The following SH3D19 variants were observed in gnomAD, a reference collection of about 807,000 sequenced individuals.
SH3D19 encodes the protein SH3 domain containing 19.
Under a neutral mutation model 112.1 loss-of-function variants are expected in SH3D19, and 58 were observed. The ratio of observed to expected loss-of-function variants is 0.52; its 90% CI spans 0.42 to 0.64. The LOEUF (loss-of-function observed/expected upper bound fraction) is 0.64. Among genes scored for constraint, SH3D19 ranks in the 30% least tolerant of loss-of-function variants. The probability of loss-of-function intolerance (pLI) is 0.00; values close to 1 mark genes in which losing one functional copy is unlikely to be tolerated. For missense variants in SH3D19, 1,090 were observed against 1,263.4 expected, an observed-to-expected ratio of 0.86 and a Z score of 2.08; for synonymous variants, 391 against 448.5, an observed-to-expected ratio of 0.87 and a Z score of 1.62.
intron 7 of SH3D19, 146 bp downstream of exon 7, chr4:151,174,522 CCT>C (rs751359132): frequency 4.8e-5 from 30 of 626,734 alleles, no homozygotes; most frequent in Non-Finnish European, 6.5e-5. Context: ...TCTGTTCATT[CCT>C]CTGTTTCTAT....
At chr4:151,251,955 C>T (rs1397070311) in intron 1 of SH3D19, among the ~76,000 whole-genome samples, 2 of 152,320 alleles carry the variant, frequency 1.3e-5, no homozygotes, top group East Asian at 3.9e-4. Context: ...CTATGCTTCA[C>T]TGAGGAAACA....
At chr4:151,150,203 A>AT (rs1754691832) in intron 9 of SH3D19, among the ~76,000 whole-genome samples, 1 of 65,262 alleles carries the variant, frequency 1.5e-5, no homozygotes, top group Non-Finnish European at 3.6e-5. Context: ...AAAAAAAAAA[A>AT]AAAATATATA....
At chr4:151,238,757 G>A (rs1443790911) in intron 1 of SH3D19, among the ~76,000 whole-genome samples, 1 of 151,788 alleles carries the variant, frequency 6.6e-6, no homozygotes, top group Non-Finnish European at 1.5e-5. Context: ...CTCTACATTA[G>A]AGTGAAAAAA....
chr4:151,158,856 T>A (rs536024698), intron 9 of SH3D19, among the ~76,000 whole-genome samples: 2 of 152,244 alleles, frequency 1.3e-5, no homozygotes, highest in Admixed American at 1.3e-4. Context: ...ATTCTTATGT[T>A]AATTATCTTA....
At chr4:151,226,606 C>G (rs956633936) in intron 1 of SH3D19, 1 of 372,766 alleles carries the variant, frequency 2.7e-6, no homozygotes, top group African/African-American at 2.2e-5. Flanking sequence ...TTCAATGTTT[C>G]TCCAGTAATT....
At chr4:151,210,463 G>A (rs112578949) in intron 2 of SH3D19, among the ~76,000 whole-genome samples, 10 of 148,186 alleles carry the variant, frequency 6.7e-5, no homozygotes, top group African/African-American at 2.3e-4. Context: ...GTGCAGTGGC[G>A]CAATCTCAGC....
chr4:151,235,514 G>A (rs778666738), intron 1 of SH3D19, among the ~76,000 whole-genome samples: 1 of 152,198 alleles, frequency 6.6e-6, no homozygotes, highest in Non-Finnish European at 1.5e-5. Flanking sequence ...GCCAGGTGCA[G>A]TGGCTCACAC....
At chr4:151,199,818 T>G (rs562368687) in intron 2 of SH3D19, among the ~76,000 whole-genome samples, 1 of 152,236 alleles carries the variant, frequency 6.6e-6, no homozygotes, top group African/African-American at 2.4e-5. Context: ...CCAATGTTAT[T>G]TGTAAAATCT....
rs897209768 is a variant in SH3D19 at position 151,243,775 on chromosome 4, A to G, written c.113-17689T>C. Among the ~76,000 whole-genome samples the G allele has an allele frequency of 2.6e-5, 4 of 152,216 alleles. No individual in the cohort carries two copies. The South Asian group carries it at 6.2e-4, about 24-fold the overall frequency. On this transcript the variant is annotated intron_variant, in intron 1 of 19. Coordinates refer to ENST00000604030, the MANE Select transcript of SH3D19 (RefSeq NM_001378122.1). ...GCTGGACATTCCAAAAAAACTACTT[A>G]TTTTTGAGTATTGAGGAAAATTGCT... is the stretch of plus-strand genomic sequence containing the variant.
intron 3 of SH3D19, among the ~76,000 whole-genome samples, chr4:151,180,535 T>A (rs1050990383): frequency 6.6e-6 from 1 of 150,408 alleles, no homozygotes; most frequent in East Asian, 2.0e-4. Context: ...TCTTCCAGAG[T>A]AGCTGGGACT....
chr4:151,227,674 A>G, intron 1 of SH3D19: 1 of 877,954 alleles, frequency 1.1e-6, no homozygotes, highest in African/African-American at 1.8e-5. Flanking sequence ...TAGCTTCGCT[A>G]CAAAAATGAA....
At chr4:151,199,114 T>G (rs1484299013) in intron 2 of SH3D19, among the ~76,000 whole-genome samples, 1 of 151,970 alleles carries the variant, frequency 6.6e-6, no homozygotes, top group African/African-American at 2.4e-5. Context: ...GATTTAAAAT[T>G]ATAAATACCA....
chr4:151,279,183 C>A, intron 1 of SH3D19: 1 of 319,892 alleles, frequency 3.1e-6, no homozygotes, highest in South Asian at 2.8e-5. Flanking sequence ...GTATACAGGT[C>A]ACCAGCACAC....
intron 1 of SH3D19, among the ~76,000 whole-genome samples, chr4:151,249,633 C>T (rs373473947): frequency 6.6e-6 from 1 of 151,770 alleles, no homozygotes; most frequent in Admixed American, 6.6e-5. Flanking sequence ...GGGTTTAGCA[C>T]AAAATTTGCA....
At chr4:151,255,622 G>A (rs1561405530) in intron 1 of SH3D19, among the ~76,000 whole-genome samples, 1 of 152,044 alleles carries the variant, frequency 6.6e-6, no homozygotes. Flanking sequence ...TCCCAGACGG[G>A]GTGGCGGCCG....
intron 1 of SH3D19, among the ~76,000 whole-genome samples, chr4:151,307,841 A>G (rs1050907682): frequency 1.3e-5 from 2 of 152,264 alleles, no homozygotes; most frequent in African/African-American, 4.8e-5. Flanking sequence ...CCTTGTGTAC[A>G]TAAGAGTTCC....
At chr4:151,266,189 TA>T (rs1388674495) in intron 1 of SH3D19, 1 of 152,116 alleles carries the variant, frequency 6.6e-6, no homozygotes, top group Non-Finnish European at 1.5e-5. Flanking sequence ...TAATCAACAG[TA>T]TTATGCACTG....
In SH3D19 at chr4:151,175,326, A is replaced by G. The variant is rs773091254; in HGVS notation, c.878T>C (p.Ile293Thr). The G allele has an allele frequency of 1.9e-6, 3 of 1,613,696 alleles. No individual in the cohort carries two copies. The South Asian group carries it at 3.3e-5, about 18-fold the overall frequency. The stretch of plus-strand genomic sequence containing the variant: ...CTCAAACACTTTAATTCTGGAAACA[A>G]TACTATTTTGGCTTTGTTCTGTGTT... ...IMNTEQSQNS[I>T]VSRIKVFEGQ... The change falls in exon 7 of 20, where the codon ATT (isoleucine) becomes ACT (threonine). Residue 293 changes from isoleucine (I) to threonine (T), a missense_variant. Transcript: ENST00000604030.
chr4:151,174,148 C>G (rs368916325), intron 7 of SH3D19, among the ~76,000 whole-genome samples: 3 of 152,200 alleles, frequency 2.0e-5, no homozygotes, highest in East Asian at 3.9e-4. Flanking sequence ...ATTTTCGAGT[C>G]CTCCCCTGGA....
Sources: allele counts gnomAD v4.1 joint callset (sites outside exome capture counted in the v4.1 genomes callset), GRCh38; gene constraint gnomAD v4.1.1; transcripts MANE v1.5; gene names NCBI Gene and HGNC (gene_info 2026-07-23, HGNC 2026-07-21).